Variants in PHF24 observed in about 807,000 individuals in gnomAD.
The protein encoded by PHF24 is Galpha inhibitory interacting protein.
In PHF24, 25 loss-of-function variants were observed where a neutral mutation model predicts 42.6. The ratio of observed to expected loss-of-function variants is 0.59; its 90% confidence interval spans 0.43 to 0.82. The LOEUF is 0.82. Ranked by LOEUF, PHF24 falls within the 40% of genes least tolerant of loss-of-function variation. PHF24 has a pLI of 0.00. For missense variants in PHF24, 470 were observed against 538.1 expected, an observed-to-expected ratio of 0.87 and a Z score of 1.25; for synonymous variants, 185 against 204.8, an observed-to-expected ratio of 0.90 and a Z score of 0.83.
At chr9:34,800,663 TAACTC>T in the PHF24 span, among the ~76,000 whole-genome samples, 1 of 151,960 alleles carries the variant, frequency 6.6e-6, no homozygotes, top group Non-Finnish European at 1.5e-5. Context: ...AAACAAAAAT[TAACTC>T]AAGATGGATT....
chr9:34,923,357 A>T, the PHF24 span, among the ~76,000 whole-genome samples: 1 of 151,898 alleles, frequency 6.6e-6, no homozygotes, highest in African/African-American at 2.4e-5. Context: ...TGGTATCAGG[A>T]TAATACTGGC....
chr9:34,972,644 G>A (rs780736681), intron 3 of PHF24, 113 bp downstream of exon 3: 137 of 989,656 alleles, frequency 1.4e-4, no homozygotes, highest in Admixed American at 4.8e-4. Flanking sequence ...GGCTGGGCGC[G>A]GTGGCTCATG....
At chr9:34,715,075 G>C in the PHF24 span, among the ~76,000 whole-genome samples, 3 of 152,052 alleles carry the variant, frequency 2.0e-5, no homozygotes. Context: ...TGTCTGCTTG[G>C]TGCTGGAGCT....
chr9:34,729,138 A>C, the PHF24 span: 1 of 1,008,190 alleles, frequency 9.9e-7, no homozygotes, highest in African/African-American at 1.6e-5. Flanking sequence ...GTAAGGAATT[A>C]TAGTCTCTGA....
chr9:34,667,223 C>G, the PHF24 span, among the ~76,000 whole-genome samples: 1,864 of 152,250 alleles, frequency 0.012, 28 homozygotes, highest in Non-Finnish European at 0.02. Flanking sequence ...GCTGGGCTGA[C>G]TGTATAGGAG....
chr9:34,864,610 T>A, the PHF24 span, among the ~76,000 whole-genome samples: 2 of 152,166 alleles, frequency 1.3e-5, no homozygotes, highest in African/African-American at 4.8e-5. Context: ...CTGAGGGATT[T>A]CATTAACACC....
At chr9:34,883,839 A>G in the PHF24 span, among the ~76,000 whole-genome samples, 73 of 152,366 alleles carry the variant, frequency 4.8e-4, no homozygotes, top group African/African-American at 1.7e-3. Context: ...TAGAAATACC[A>G]TTTGAGCCAG....
chr9:34,975,773 G>C (rs1827163336), intron 3 of PHF24, among the ~76,000 whole-genome samples: 1 of 151,664 alleles, frequency 6.6e-6, no homozygotes, highest in Non-Finnish European at 1.5e-5. Context: ...GATGGAGATG[G>C]AGCCGCTCTG....
chr9:34,977,684 C>G (rs754968909), intron 7 of PHF24, 43 bp downstream of exon 7: 15 of 1,468,794 alleles, frequency 1.0e-5, no homozygotes, highest in Non-Finnish European at 1.4e-5. Flanking sequence ...CCCTCTGAAC[C>G]CCCACAAAAC....
the PHF24 span, among the ~76,000 whole-genome samples, chr9:34,910,149 T>C: frequency 6.6e-6 from 1 of 152,232 alleles, no homozygotes; most frequent in African/African-American, 2.4e-5. Flanking sequence ...TGGGTTTTCC[T>C]GCATCTAAGC....
the PHF24 span, among the ~76,000 whole-genome samples, chr9:34,671,489 A>C: frequency 2.0e-5 from 3 of 152,194 alleles, no homozygotes; most frequent in African/African-American, 7.2e-5. Flanking sequence ...GACTCCAGAA[A>C]GCAGCCTGCC....
chr9:34,978,297 G>A, exon 8 of PHF24: 1 of 554,148 alleles, frequency 1.8e-6, no homozygotes, highest in East Asian at 2.8e-5. Context: ...TGAATGCATT[G>A]CCACAAGGAG....
At chr9:34,772,388 T>A in the PHF24 span, among the ~76,000 whole-genome samples, 1 of 152,190 alleles carries the variant, frequency 6.6e-6, no homozygotes. Context: ...AAATGATTTA[T>A]GAGAAGAAAA....
the PHF24 span, chr9:34,835,673 C>G: frequency 3.2e-6 from 5 of 1,551,294 alleles, no homozygotes; most frequent in Non-Finnish European, 4.4e-6. Flanking sequence ...ACAGCTGGCA[C>G]TTGAAATTCC....
At chr9:34,821,733 C>G in the PHF24 span, among the ~76,000 whole-genome samples, 1 of 152,190 alleles carries the variant, frequency 6.6e-6, no homozygotes, top group Non-Finnish European at 1.5e-5. Context: ...TTTGCTCCAT[C>G]ATCATGAGAC....
chr9:34,764,093 G>A, the PHF24 span, among the ~76,000 whole-genome samples: 3 of 151,894 alleles, frequency 2.0e-5, no homozygotes, highest in Admixed American at 6.6e-5. Context: ...TGCTGGATTC[G>A]GTTTGCCAGT....
the PHF24 span, among the ~76,000 whole-genome samples, chr9:34,934,767 G>A: frequency 1.3e-5 from 2 of 152,160 alleles, no homozygotes; most frequent in Non-Finnish European, 2.9e-5. Context: ...ATACCAGGTT[G>A]ACAAATTATC....
chr9:34,809,277 G>A, the PHF24 span, among the ~76,000 whole-genome samples: 1 of 152,006 alleles, frequency 6.6e-6, no homozygotes, highest in African/African-American at 2.4e-5. The surrounding 1 kb of genome is among the most constrained non-coding windows in gnomAD (Gnocchi z 4.1). Context: ...TTTAAATAAG[G>A]TCTTCAGCAT....
the PHF24 span, chr9:34,709,781 T>TA: frequency 1.1e-5 from 17 of 1,613,950 alleles, no homozygotes; most frequent in Non-Finnish European, 1.4e-5. Context: ...ACTCACAGGA[T>TA]AGCTGGGATG....
Sources: allele counts gnomAD v4.1 joint callset (sites outside exome capture counted in the v4.1 genomes callset), GRCh38; gene constraint gnomAD v4.1.1; non-coding constraint Gnocchi (gnomAD v3.1); transcripts MANE v1.5; gene names NCBI Gene and HGNC (gene_info 2026-07-23, HGNC 2026-07-21).